FMNL2: variants seen among roughly 807,000 people sequenced by gnomAD.
FMNL2 encodes the protein formin like 2.
A neutral mutation model predicts 130.2 loss-of-function variants in FMNL2; 51 were observed. The observed-to-expected ratio is 0.39, with a 90% confidence interval of 0.31 to 0.49. The LOEUF (loss-of-function observed/expected upper bound fraction) is 0.49. Ranked by LOEUF, FMNL2 falls within the 20% of genes least tolerant of loss-of-function variation. The probability of loss-of-function intolerance (pLI) is 0.85; values close to 1 mark genes in which losing one functional copy is unlikely to be tolerated. For synonymous variants in FMNL2, 465 were observed against 467.1 expected (o/e 1.00, Z 0.06); for missense variants, 977 against 1,316.2 (o/e 0.74, Z 3.99).
At chr2:152,641,166 A>G (rs1683053050) in intron 25 of FMNL2, among the ~76,000 whole-genome samples, 1 of 152,146 alleles carries the variant, frequency 6.6e-6, no homozygotes, top group Non-Finnish European at 1.5e-5. Flanking sequence ...ATTGTTATTG[A>G]TATGTCATCA....
rs769311396 is a variant in FMNL2, at chr2:152,335,733, C to T, written c.117+13C>T. The T allele has an allele frequency of 9.6e-6, 15 of 1,555,184 alleles. No individual in the cohort carries two copies. In the East Asian group the frequency reaches 2.1e-4, roughly 22 times the overall value. On this transcript the variant is annotated intron_variant, in intron 1 of 25. Coordinates refer to ENST00000288670, the MANE Select transcript of FMNL2 (RefSeq NM_052905.4). ...TGCCATCGTGCTGGTAAGTGCGCGG[C>T]GGCGGTCGGGCGCGGGGACCCGGGG...
chr2:152,644,134 T>C (rs1318575253), intron 25 of FMNL2, among the ~76,000 whole-genome samples: 2 of 152,100 alleles, frequency 1.3e-5, no homozygotes, highest in African/African-American at 2.4e-5. Context: ...GGTGGGAGCA[T>C]TGCTTGAGCC....
Position 152,579,101 on chromosome 2 carries a change from G to A in FMNL2, c.782+137G>A, listed in dbSNP as rs1696634482. On this transcript the variant is annotated intron_variant, in intron 8 of 25. Coordinates refer to ENST00000288670, the MANE Select transcript of FMNL2 (RefSeq NM_052905.4). The stretch of plus-strand genomic sequence containing the variant: ...AAGATTGGCTATAAACTCTTTGGCT[G>A]TGTAAGAATTTTTCCTTTTAGCCAA... 1.7e-5 allele frequency: 12 copies of A among 702,660 alleles called. No individual in the cohort carries two copies. The South Asian group carries it at 2.3e-4, about 14-fold the overall frequency. 43.5% of individuals were successfully genotyped at this position (702,660 alleles called of 1,614,324 possible).
At chr2:152,482,892 G>C (rs150689470) in intron 1 of FMNL2, among the ~76,000 whole-genome samples, 1 of 152,234 alleles carries the variant, frequency 6.6e-6, no homozygotes, top group African/African-American at 2.4e-5. Context: ...TTAAGAAAAA[G>C]GATCAACTTT....
At chr2:152,388,929 A>G (rs1357595084) in intron 1 of FMNL2, among the ~76,000 whole-genome samples, 3 of 152,220 alleles carry the variant, frequency 2.0e-5, no homozygotes, top group African/African-American at 7.2e-5. Context: ...GTCCTCACTA[A>G]AAACAATGAT....
intron 1 of FMNL2, among the ~76,000 whole-genome samples, chr2:152,344,922 A>G (rs1438610283): frequency 6.6e-6 from 1 of 152,354 alleles, no homozygotes; most frequent in South Asian, 2.1e-4. Context: ...GAGAATAGAA[A>G]GATAAATAGG....
At chr2:152,613,837 C>A (rs1698809801) in intron 11 of FMNL2, among the ~76,000 whole-genome samples, 1 of 152,214 alleles carries the variant, frequency 6.6e-6, no homozygotes, top group Non-Finnish European at 1.5e-5. Context: ...CAGGGAAAGT[C>A]ATGACTTATG....
rs1244591584 is a variant in FMNL2 at position 152,394,714 on chromosome 2, C to T, written c.117+58994C>T. On this transcript the variant is annotated intron_variant, in intron 1 of 25. Transcript: ENST00000288670. Reference sequence around the variant, plus strand: ...AATAGTTTATATTACATAACATTAACTGTTGGGTTTTTTTTTTTTTTGGCC... The same window carrying T: ...AATAGTTTATATTACATAACATTAATTGTTGGGTTTTTTTTTTTTTTGGCC... Among the ~76,000 whole-genome samples the T allele has an allele frequency of 4.5e-5, 4 of 87,982 alleles. 1 individual carries two copies. The highest frequency in any genetic ancestry group is 9.7e-5 in the Non-Finnish European group (4 of 41,212). 57.7% of individuals were successfully genotyped at this position (87,982 alleles called of 152,430 possible).
At chr2:152,585,392 C>A (rs569326197) in intron 9 of FMNL2, among the ~76,000 whole-genome samples, 56 of 152,030 alleles carry the variant, frequency 3.7e-4, no homozygotes, top group African/African-American at 1.3e-3. Flanking sequence ...CCCGAGACTA[C>A]CAAACAGAAA....
At chr2:152,590,976 A>T (rs1219464372) in intron 9 of FMNL2, among the ~76,000 whole-genome samples, 1 of 102,258 alleles carries the variant, frequency 9.8e-6, no homozygotes, top group East Asian at 3.5e-4. Flanking sequence ...TTTCCCTCTG[A>T]TAACTTTTTT....
intron 2 of FMNL2, among the ~76,000 whole-genome samples, chr2:152,537,000 A>G (rs1385124911): frequency 6.6e-6 from 1 of 152,214 alleles, no homozygotes; most frequent in Non-Finnish European, 1.5e-5. Context: ...GGAATGTCCA[A>G]ATTTCAAACC....
chr2:152,593,888 TGTGTGTGTGTGTGTGAGA>T (rs1176623747), intron 9 of FMNL2, among the ~76,000 whole-genome samples: 3 of 111,310 alleles, frequency 2.7e-5, no homozygotes, highest in African/African-American at 9.5e-5. Flanking sequence ...TGTGTGTGTG[TGTGTGTGTGTGTGTGAGA>T]GAGAGAGAGA....
At chr2:152,389,881 G>A (rs1170623013) in intron 1 of FMNL2, 2 of 1,020,630 alleles carry the variant, frequency 2.0e-6, no homozygotes, top group Admixed American at 1.9e-5. Context: ...GGCACAGAAG[G>A]CCCGGTGGGA....
intron 1 of FMNL2, among the ~76,000 whole-genome samples, chr2:152,409,511 T>C (rs570383301): frequency 6.6e-6 from 1 of 152,242 alleles, no homozygotes; most frequent in East Asian, 1.9e-4. Context: ...GAAAGGAGTG[T>C]GAGTGAGGTC....
rs555671268 is a variant in FMNL2 at position 152,648,849 on chromosome 2, C to T, written c.*944C>T. The T allele has an allele frequency of 1.3e-5, 2 of 152,580 alleles. No individual in the cohort carries two copies. The highest frequency in any genetic ancestry group is 2.1e-4 in the South Asian group (1 of 4,816). The allele number at this position is 152,580 out of a possible 1,614,324, so 9.5% of individuals were successfully genotyped here. A position where few individuals can be genotyped will look rare whatever the true frequency, so the allele number is the denominator to read the frequency against. The stretch of plus-strand genomic sequence containing the variant: ...AGAAGATACACTTGGCATCGTGTAT[C>T]GAGGCTAAGTTTTTCATGCATTTCC... On this transcript the variant is annotated 3_prime_UTR_variant, in exon 26 of 26. Transcript: ENST00000288670.
intron 1 of FMNL2, among the ~76,000 whole-genome samples, chr2:152,441,446 A>T (rs1688041312): frequency 6.6e-6 from 1 of 151,424 alleles, no homozygotes; most frequent in Non-Finnish European, 1.5e-5. Context: ...CTGAGGCAGG[A>T]GGATTCTTGA....
chr2:152,640,113 C>T lies in FMNL2; in HGVS notation c.3045+57C>T. ...GTGAGGAGAGGCTGAGAGGGCTCTT[C>T]AGAGCAAGCCATACAAAGGACCAGC... is the stretch of plus-strand genomic sequence containing the variant. On this transcript the variant is annotated intron_variant, in intron 24 of 25. Transcript: ENST00000288670. 3.5e-6 allele frequency: 5 copies of T among 1,426,432 alleles called. No individual in the cohort carries two copies. In the South Asian group the frequency reaches 7.1e-5, roughly 20 times the overall value. The allele number at this position is 1,426,432 out of a possible 1,614,324, so 88.4% of individuals were successfully genotyped here.
intron 1 of FMNL2, among the ~76,000 whole-genome samples, chr2:152,418,638 C>A (rs1274675076): frequency 2.6e-5 from 4 of 152,130 alleles, no homozygotes; most frequent in African/African-American, 9.7e-5. Context: ...GAATTTCATT[C>A]TTTTTTAAGG....
At chr2:152,431,965 T>TTAAAAAAAAAA (rs1687515029) in intron 1 of FMNL2, among the ~76,000 whole-genome samples, 1 of 82,174 alleles carries the variant, frequency 1.2e-5, no homozygotes, top group Non-Finnish European at 2.1e-5. Flanking sequence ...ACCCTATCTT[T>TTAAAAAAAAAA]AAAAAAAAAA....
Sources: allele counts gnomAD v4.1 joint callset (sites outside exome capture counted in the v4.1 genomes callset), GRCh38; gene constraint gnomAD v4.1.1; transcripts MANE v1.5; gene names NCBI Gene and HGNC (gene_info 2026-07-23, HGNC 2026-07-21).